The following CLTC variants were observed in gnomAD, a reference collection of about 807,000 sequenced individuals.
CLTC encodes clathrin heavy chain, also known as clathrin heavy chain 1.
CLTC carries 16 observed loss-of-function variants against 195.8 expected under a neutral mutation model. The observed-to-expected ratio is 0.08, with a 90% CI of 0.06 to 0.12. The LOEUF (loss-of-function observed/expected upper bound fraction) is 0.12. Among genes scored for constraint, CLTC ranks in the 10% least tolerant of loss-of-function variants. The probability of loss-of-function intolerance (pLI) is 1.00; values close to 1 mark genes in which losing one functional copy is unlikely to be tolerated. For synonymous variants in CLTC, 667 were observed against 689.4 expected, an observed-to-expected ratio of 0.97 and a Z score of 0.51; for missense variants, 796 against 2,027.0, an observed-to-expected ratio of 0.39 and a Z score of 11.66.
Position 59,683,075 on chromosome 17 carries a change from T to C in CLTC, c.3874-20T>C. The C allele has an allele frequency of 6.2e-7, 1 of 1,614,038 alleles. No homozygotes were observed. The highest frequency in any genetic ancestry group is 1.1e-5 in the South Asian group (1 of 91,080). On this transcript the variant is annotated intron_variant, in intron 24 of 31. Coordinates refer to ENST00000269122, the MANE Select transcript of CLTC (RefSeq NM_004859.4). This position sits in a 1 kb window ranked among gnomAD's most constrained non-coding sequence, Gnocchi z 6.1. ...TACCATAGATATTCTTATCTTTAAC[T>C]GCACATTTCTCTTGTTCAGGATCGT...
At position 59,695,952 on chromosome 17, in the gene CLTC, T is replaced by C. The variant is rs2033413104; in HGVS notation, c.*2100T>C. 1 of 206,908 alleles carries C rather than the reference T, an allele frequency of 4.8e-6. No homozygotes were observed. The highest frequency in any genetic ancestry group is 9.8e-6 in the Non-Finnish European group (1 of 101,540). 12.8% of individuals were successfully genotyped at this position (206,908 alleles called of 1,614,324 possible). A position where few individuals can be genotyped will look rare whatever the true frequency, so the allele number is the denominator to read the frequency against. ...AGTTCTATAAAATACCAAGTACAGA[T>C]GAACTAGAAAACAAGCATATATCCA... is the stretch of plus-strand genomic sequence containing the variant. On this transcript the variant is annotated 3_prime_UTR_variant, in exon 32 of 32. Coordinates refer to ENST00000269122, the MANE Select transcript of CLTC (RefSeq NM_004859.4).
intron 31 of CLTC, among the ~76,000 whole-genome samples, chr17:59,691,564 C>T (rs2033298889): frequency 6.6e-6 from 1 of 150,964 alleles, no homozygotes; most frequent in Non-Finnish European, 1.5e-5. Flanking sequence ...GCAGAGGTTG[C>T]AGTGAGCCGA....
chr17:59,696,831 AG>A lies in CLTC; in HGVS notation c.*2985del. ...TTCAGTGGCTTCATTGTTACAAGAA[AG>A]GGGGGAAGTGAGAAACTTTAATAGG... is the stretch of plus-strand genomic sequence containing the variant. On this transcript the variant is annotated 3_prime_UTR_variant, in exon 32 of 32. Transcript: ENST00000269122. The A allele has an allele frequency of 4.9e-6, 1 of 203,144 alleles. No individual in the cohort carries two copies. The allele number at this position is 203,144 out of a possible 1,614,324, so 12.6% of individuals were successfully genotyped here. A position where few individuals can be genotyped will look rare whatever the true frequency, so the allele number is the denominator to read the frequency against.
chr17:59,646,420 G>A (rs187604542), intron 2 of CLTC, among the ~76,000 whole-genome samples: 7 of 152,246 alleles, frequency 4.6e-5, no homozygotes, highest in African/African-American at 1.2e-4. Flanking sequence ...CATGTGTTAC[G>A]GAGGGTTGTA....
intron 1 of CLTC, among the ~76,000 whole-genome samples, chr17:59,640,474 G>C (rs2031995584): frequency 6.6e-6 from 1 of 150,934 alleles, no homozygotes; most frequent in Non-Finnish European, 1.5e-5. Context: ...TTGGCTCACT[G>C]CAACCTCCGC....
At position 59,620,188 on chromosome 17, in the gene CLTC, G is replaced by A. The variant is rs1350669281; in HGVS notation, c.42+15G>A. ...AGCATCTCCAGGTGCGGCCGGGCCCGGGCTGGTGAGGGCTGTGGAGAAGGT... is the reference window on the plus strand; with the variant it reads ...AGCATCTCCAGGTGCGGCCGGGCCCAGGCTGGTGAGGGCTGTGGAGAAGGT... On this transcript the variant is annotated intron_variant, in intron 1 of 31. Transcript: ENST00000269122. 1 of 1,613,756 alleles carries A rather than the reference G, an allele frequency of 6.2e-7. No individual in the cohort carries two copies. Among genetic ancestry groups the A allele is most frequent in the Non-Finnish European group, 8.5e-7 (1 of 1,179,792 alleles).
At position 59,655,983 on chromosome 17, in the gene CLTC, C is replaced by A; in HGVS notation, c.925C>A (p.His309Asn). 1.9e-6 allele frequency: 3 copies of A among 1,612,342 alleles called. No homozygotes were observed. The highest frequency in any genetic ancestry group is 2.5e-6 in the Non-Finnish European group (3 of 1,179,536). Residue 309 changes from histidine to asparagine, a missense_variant, in exon 6 of 32, where the codon CAT (histidine) becomes AAT (asparagine). Transcript: ENST00000269122. ...AGAAACAATTTTTGTTACTGCACCT[C>A]ATGAAGCCACAGCTGGAATAATTGG... Reference protein sequence around the residue: ...SGETIFVTAPHEATAGIIGVN... With the variant: ...SGETIFVTAPNEATAGIIGVN...
At chr17:59,653,778 CTTTTT>C (rs562385929) in intron 5 of CLTC, among the ~76,000 whole-genome samples, 2 of 142,940 alleles carry the variant, frequency 1.4e-5, no homozygotes, top group Middle Eastern at 3.5e-3. Context: ...CCTGGCTGGT[CTTTTT>C]TTTTTTTTTG....
chr17:59,687,569 G>A (rs2033211238), intron 30 of CLTC, among the ~76,000 whole-genome samples: 1 of 151,508 alleles, frequency 6.6e-6, no homozygotes, highest in South Asian at 2.1e-4. Context: ...AAGTAGATAC[G>A]AGAGATACTA....
chr17:59,637,945 G>A (rs1240456298), intron 1 of CLTC, among the ~76,000 whole-genome samples: 2 of 147,922 alleles, frequency 1.4e-5, no homozygotes, highest in Admixed American at 1.4e-4. Flanking sequence ...GTCCTAAAGT[G>A]TAATTTCCTT....
At chr17:59,647,854 G>A (rs1351651925) in intron 3 of CLTC, among the ~76,000 whole-genome samples, 188 bp downstream of exon 3, 4 of 148,736 alleles carry the variant, frequency 2.7e-5, no homozygotes, top group South Asian at 2.1e-4. Flanking sequence ...CTTCTTCCTC[G>A]CTCCCTTGCT....
chr17:59,664,843 A>G lies in CLTC; in HGVS notation c.1578A>G (p.Pro526=), dbSNP rs1023670460. 1 of 1,614,136 alleles carries G rather than the reference A, an allele frequency of 6.2e-7. No individual in the cohort carries two copies. The highest frequency in any genetic ancestry group is 8.5e-7 in the Non-Finnish European group (1 of 1,179,990). Residue 526 remains proline (P), a synonymous_variant, in exon 10 of 32, where the codon CCA becomes CCG. Coordinates refer to ENST00000269122, the MANE Select transcript of CLTC (RefSeq NM_004859.4). ...FLLRNVMRIS[P]DQGQQFAQML... is the part of the protein sequence containing the mutation. ...TGAGAAATGTAATGCGAATCAGTCC[A>G]GATCAGGGACAGCAGTTTGCCCAAA...
intron 5 of CLTC, among the ~76,000 whole-genome samples, chr17:59,653,778 CTTTT>C (rs562385929): frequency 7.0e-6 from 1 of 142,912 alleles, no homozygotes; most frequent in Non-Finnish European, 1.5e-5. Flanking sequence ...CCTGGCTGGT[CTTTT>C]TTTTTTTTTT....
At chr17:59,655,421 A>C (rs2032441366) in intron 5 of CLTC, among the ~76,000 whole-genome samples, 1 of 152,264 alleles carries the variant, frequency 6.6e-6, no homozygotes, top group African/African-American at 2.4e-5. Flanking sequence ...TGACAGATAC[A>C]ATAATGAAAA....
At chr17:59,674,144 G>T (rs1305293387) in intron 15 of CLTC, among the ~76,000 whole-genome samples, 1 of 151,554 alleles carries the variant, frequency 6.6e-6, no homozygotes, top group African/African-American at 2.4e-5. Flanking sequence ...ACTCAGGGAA[G>T]GGGGAAAAAA....
chr17:59,632,775 A>T (rs1445014539), intron 1 of CLTC, among the ~76,000 whole-genome samples: 2 of 152,194 alleles, frequency 1.3e-5, no homozygotes, highest in Admixed American at 1.3e-4. Context: ...AGTTTTTGAG[A>T]TGGAAAGTGT....
rs975759142 is a variant in CLTC at position 59,696,070 on chromosome 17, C to CTT, written c.*2220_*2221dup. 3 of 211,894 alleles carry CTT rather than the reference C, an allele frequency of 1.4e-5. No homozygotes were observed. Among genetic ancestry groups the CTT allele is most frequent in the African/African-American group, 6.8e-5 (3 of 44,136 alleles). The allele number at this position is 211,894 out of a possible 1,614,324, so 13.1% of individuals were successfully genotyped here. A position where few individuals can be genotyped will look rare whatever the true frequency, so the allele number is the denominator to read the frequency against. ...GCCATCCTGTTGGGAATGCCACTACCTTTGAATTTGGAGCCATCAGTCTAT... is the reference window on the plus strand; with the variant it reads ...GCCATCCTGTTGGGAATGCCACTACCTTTTTGAATTTGGAGCCATCAGTCTAT... On this transcript the variant is annotated 3_prime_UTR_variant, in exon 32 of 32. Coordinates refer to ENST00000269122, the MANE Select transcript of CLTC (RefSeq NM_004859.4).
At chr17:59,623,934 A>G (rs2031463436) in intron 1 of CLTC, among the ~76,000 whole-genome samples, 1 of 152,226 alleles carries the variant, frequency 6.6e-6, no homozygotes, top group South Asian at 2.1e-4. Context: ...ATTATAGGCC[A>G]TGCTGATGTG....
chr17:59,655,760 A>G, intron 5 of CLTC, 94 bp from the exon 6 acceptor site: 1 of 1,044,376 alleles, frequency 9.6e-7, no homozygotes, highest in Non-Finnish European at 1.3e-6. Context: ...TTGTTCTGGA[A>G]TTTTACCATC....
Sources: allele counts gnomAD v4.1 joint callset (sites outside exome capture counted in the v4.1 genomes callset), GRCh38; gene constraint gnomAD v4.1.1; non-coding constraint Gnocchi (gnomAD v3.1); transcripts MANE v1.5; gene names NCBI Gene and HGNC (gene_info 2026-07-23, HGNC 2026-07-21).